Variants in STAU2 observed in about 807,000 individuals in gnomAD.
The protein encoded by STAU2 is staufen double-stranded RNA binding protein 2.
A neutral mutation model predicts 65.9 loss-of-function variants in STAU2; 20 were observed. The observed-to-expected ratio is 0.30, with a 90% CI of 0.21 to 0.44. The LOEUF is 0.44. Ranked by LOEUF, STAU2 falls within the 20% of genes least tolerant of loss-of-function variation. The probability of loss-of-function intolerance (pLI) is 1.00; values close to 1 mark genes in which losing one functional copy is unlikely to be tolerated. For missense variants in STAU2, 558 were observed against 683.9 expected, an observed-to-expected ratio of 0.82 and a Z score of 2.05; for synonymous variants, 232 against 233.9, an observed-to-expected ratio of 0.99 and a Z score of 0.07.
rs557343677 is a variant in STAU2, at chr8:73,587,622, G to A, written c.1162-4792C>T. Among the ~76,000 whole-genome samples the A allele has an allele frequency of 2.0e-5, 3 of 152,298 alleles. No homozygotes were observed. In the East Asian group the frequency reaches 5.8e-4, roughly 29 times the overall value. ...AAAGATGTAGAAAAGTGTATGTGTG[G>A]AGTATGTACCAGAGTTAAACCCTCA... On this transcript the variant is annotated intron_variant, in intron 11 of 14. Transcript: ENST00000524300.
chr8:73,485,543 C>T (rs1157732059), intron 13 of STAU2, among the ~76,000 whole-genome samples: 3 of 151,996 alleles, frequency 2.0e-5, no homozygotes, highest in African/African-American at 4.8e-5. Flanking sequence ...GTGGCTACTG[C>T]AATGGGATTT....
At chr8:73,609,156 C>T (rs1812253803) in intron 9 of STAU2, among the ~76,000 whole-genome samples, 1 of 151,860 alleles carries the variant, frequency 6.6e-6, no homozygotes, top group Admixed American at 6.6e-5. Context: ...ATAGGTAGTG[C>T]AGAGCATACG....
intron 13 of STAU2, among the ~76,000 whole-genome samples, chr8:73,534,968 T>C (rs1402965653): frequency 2.0e-5 from 3 of 152,246 alleles, no homozygotes; most frequent in South Asian, 2.1e-4. Flanking sequence ...AAAAATCCTA[T>C]GTTTTAGATA....
chr8:73,461,270 T>A (rs1347404298), intron 13 of STAU2, among the ~76,000 whole-genome samples: 1 of 152,152 alleles, frequency 6.6e-6, no homozygotes, highest in Non-Finnish European at 1.5e-5. Flanking sequence ...TACACAGATA[T>A]ACACGACAGA....
At chr8:73,424,669 T>C (rs1816663549) in intron 13 of STAU2, among the ~76,000 whole-genome samples, 1 of 152,074 alleles carries the variant, frequency 6.6e-6, no homozygotes, top group Non-Finnish European at 1.5e-5. Context: ...GCTATAAACA[T>C]CCATATGTGG....
At chr8:73,575,442 A>C (rs548514107) in intron 12 of STAU2, among the ~76,000 whole-genome samples, 1 of 152,176 alleles carries the variant, frequency 6.6e-6, no homozygotes, top group Non-Finnish European at 1.5e-5. Flanking sequence ...ATCCATCAAA[A>C]TTAAAAGGAT....
intron 10 of STAU2, among the ~76,000 whole-genome samples, chr8:73,599,324 G>GAAAGTCA (rs1811451267): frequency 6.6e-6 from 1 of 152,036 alleles, no homozygotes; most frequent in African/African-American, 2.4e-5. Flanking sequence ...ATTTAGAAAG[G>GAAAGTCA]AAAGTCACAA....
chr8:73,638,501 T>C (rs1017626488), intron 6 of STAU2, among the ~76,000 whole-genome samples: 3 of 70,366 alleles, frequency 4.3e-5, no homozygotes, highest in Non-Finnish European at 5.5e-5. Context: ...TGAAATATTC[T>C]TTTTTTTTTT....
intron 3 of STAU2, among the ~76,000 whole-genome samples, chr8:73,724,366 T>C (rs933628433): frequency 6.6e-6 from 1 of 152,128 alleles, no homozygotes; most frequent in Non-Finnish European, 1.5e-5. Flanking sequence ...TATTTGAGTT[T>C]CTTGTAAACA....
intron 6 of STAU2, among the ~76,000 whole-genome samples, chr8:73,630,322 C>T (rs755437446): frequency 6.6e-6 from 1 of 152,208 alleles, no homozygotes; most frequent in Non-Finnish European, 1.5e-5. Flanking sequence ...ATCCAATCCT[C>T]TTTATCTTTG....
At chr8:73,715,005 C>T (rs1030686137) in intron 3 of STAU2, among the ~76,000 whole-genome samples, 7 of 149,378 alleles carry the variant, frequency 4.7e-5, no homozygotes, top group South Asian at 2.1e-4. Context: ...CACTTGAACC[C>T]GGGAGGTGGT....
At chr8:73,679,623 T>C (rs1325111711) in intron 5 of STAU2, among the ~76,000 whole-genome samples, 2 of 151,942 alleles carry the variant, frequency 1.3e-5, no homozygotes, top group African/African-American at 4.8e-5. Flanking sequence ...GGGTCATGCC[T>C]GTAATCCCAA....
At chr8:73,717,795 A>AG (rs1418586560) in intron 3 of STAU2, among the ~76,000 whole-genome samples, 5 of 138,116 alleles carry the variant, frequency 3.6e-5, no homozygotes, top group Non-Finnish European at 6.2e-5. Context: ...ACTATTTTAC[A>AG]GCTTTTAATT....
At chr8:73,570,416 A>C (rs964876706) in intron 12 of STAU2, among the ~76,000 whole-genome samples, 5 of 152,216 alleles carry the variant, frequency 3.3e-5, no homozygotes, top group African/African-American at 4.8e-5. Flanking sequence ...GAACTTCCCC[A>C]ATCTAGAAAG....
chr8:73,577,320 G>C (rs891520376), intron 12 of STAU2, among the ~76,000 whole-genome samples: 2 of 151,680 alleles, frequency 1.3e-5, no homozygotes, highest in African/African-American at 2.4e-5. Context: ...CCCAGCTACT[G>C]GGAAGGCTGA....
intron 13 of STAU2, among the ~76,000 whole-genome samples, chr8:73,533,521 G>GTAT (rs1805970864): frequency 6.6e-6 from 1 of 152,050 alleles, no homozygotes; most frequent in African/African-American, 2.4e-5. Flanking sequence ...TTCTGATATT[G>GTAT]ACTTTGCCAG....
chr8:73,645,974 T>C (rs189774141), intron 6 of STAU2, among the ~76,000 whole-genome samples: 136 of 152,234 alleles, frequency 8.9e-4, no homozygotes, highest in African/African-American at 3.1e-3. Flanking sequence ...ATTGGTACAA[T>C]TGAATATGAG....
intron 9 of STAU2, among the ~76,000 whole-genome samples, chr8:73,605,909 ACACACACAC>A (rs1812002207): frequency 7.0e-6 from 1 of 143,384 alleles, no homozygotes; most frequent in Non-Finnish European, 1.5e-5. Flanking sequence ...ACACACACAC[ACACACACAC>A]GGTCACATGA....
In STAU2 at chr8:73,519,084, T is replaced by C. The variant is rs552468110; in HGVS notation, c.1530+32928A>G. Reference sequence around the variant, plus strand: ...GAATTTTGGCAGCTCCAGGACCTCCTGGAAGTTGCCAGCGGCAGTGATTAT... The same window carrying C: ...GAATTTTGGCAGCTCCAGGACCTCCCGGAAGTTGCCAGCGGCAGTGATTAT... On this transcript the variant is annotated intron_variant, in intron 13 of 14. Coordinates refer to ENST00000524300, the MANE Select transcript of STAU2 (RefSeq NM_001164380.2). Among the ~76,000 whole-genome samples, 4 of 152,310 alleles carry C rather than the reference T, an allele frequency of 2.6e-5. No individual in the cohort carries two copies. The South Asian group carries it at 8.3e-4, about 32-fold the overall frequency.
Sources: allele counts gnomAD v4.1 joint callset (sites outside exome capture counted in the v4.1 genomes callset), GRCh38; gene constraint gnomAD v4.1.1; transcripts MANE v1.5; gene names NCBI Gene and HGNC (gene_info 2026-07-23, HGNC 2026-07-21).